Variants in HS6ST3 observed in about 807,000 individuals in gnomAD.
HS6ST3 encodes heparan-sulfate 6-O-sulfotransferase 3.
A neutral mutation model predicts 36.7 loss-of-function variants in HS6ST3; 12 were observed. That is an observed-to-expected ratio of 0.33 (90% CI 0.21 to 0.53). The LOEUF (loss-of-function observed/expected upper bound fraction) is 0.53, where lower values mean the gene tolerates loss of function less well. Among genes scored for constraint, HS6ST3 ranks in the 20% least tolerant of loss-of-function variants. The probability of loss-of-function intolerance (pLI) is 0.95; values close to 1 mark genes in which losing one functional copy is unlikely to be tolerated. For missense variants in HS6ST3, 584 were observed against 640.9 expected, an observed-to-expected ratio of 0.91 and a Z score of 0.96; for synonymous variants, 240 against 257.5, an observed-to-expected ratio of 0.93 and a Z score of 0.65.
intron 1 of HS6ST3, among the ~76,000 whole-genome samples, chr13:96,665,440 A>C: frequency 6.6e-6 from 1 of 152,182 alleles, no homozygotes; most frequent in East Asian, 1.9e-4. Context: ...ATTATGCATA[A>C]GTATACCAAA....
chr13:96,766,535 A>G (rs1877122447), intron 1 of HS6ST3, among the ~76,000 whole-genome samples: 2 of 152,134 alleles, frequency 1.3e-5, no homozygotes, highest in Non-Finnish European at 2.9e-5. Context: ...GACTGATTAC[A>G]TGATTGCAGC....
Position 96,721,856 on chromosome 13 carries a change from A to G in HS6ST3, c.708-110634A>G, listed in dbSNP as rs185364934. Among the ~76,000 whole-genome samples the G allele has an allele frequency of 2.6e-5, 4 of 152,338 alleles. No homozygotes were observed. The East Asian group carries it at 7.7e-4, about 29-fold the overall frequency. The stretch of plus-strand genomic sequence containing the variant: ...AAACAAAATAATTTAAGTAATAAAT[A>G]TAAAGGGTCTTATTTCACTTTAAAT... On this transcript the variant is annotated intron_variant, in intron 1 of 1. Transcript: ENST00000376705.
intron 1 of HS6ST3, among the ~76,000 whole-genome samples, chr13:96,730,117 G>A (rs985108784): frequency 2.6e-5 from 4 of 152,034 alleles, no homozygotes; most frequent in African/African-American, 9.7e-5. Flanking sequence ...TGTTTTCACT[G>A]GTGAGCTTGA....
chr13:96,398,508 C>T (rs1208818549), intron 1 of HS6ST3, among the ~76,000 whole-genome samples: 1 of 152,120 alleles, frequency 6.6e-6, no homozygotes, highest in African/African-American at 2.4e-5. Context: ...GAACTCCTGA[C>T]CTCAAGTGAC....
chr13:96,755,884 G>A (rs1876816105), intron 1 of HS6ST3, among the ~76,000 whole-genome samples: 1 of 152,184 alleles, frequency 6.6e-6, no homozygotes, highest in African/African-American at 2.4e-5. Flanking sequence ...TACAGTAGGT[G>A]AGTATTCAAC....
intron 1 of HS6ST3, among the ~76,000 whole-genome samples, chr13:96,349,912 A>G (rs1380851930): frequency 6.6e-6 from 1 of 152,216 alleles, no homozygotes. Flanking sequence ...TTTATTTCCA[A>G]GGAAATCATC....
intron 1 of HS6ST3, among the ~76,000 whole-genome samples, chr13:96,716,720 A>C (rs1048969866): frequency 6.6e-6 from 1 of 152,138 alleles, no homozygotes; most frequent in African/African-American, 2.4e-5. Context: ...TATCTATCTA[A>C]ATATATGCCT....
At chr13:96,297,074 A>G (rs1184320870) in intron 1 of HS6ST3, among the ~76,000 whole-genome samples, 1 of 152,034 alleles carries the variant, frequency 6.6e-6, no homozygotes, top group Non-Finnish European at 1.5e-5. Flanking sequence ...GCTATATTAC[A>G]GACTCTTTAG....
intron 1 of HS6ST3, among the ~76,000 whole-genome samples, chr13:96,490,419 G>T (rs535147953): frequency 6.6e-6 from 1 of 152,070 alleles, no homozygotes; most frequent in South Asian, 2.1e-4. Context: ...TATTTTTAAG[G>T]TTCATAAATA....
intron 1 of HS6ST3, among the ~76,000 whole-genome samples, chr13:96,254,080 T>G (rs2139378813): frequency 6.6e-6 from 1 of 152,190 alleles, no homozygotes; most frequent in South Asian, 2.1e-4. Flanking sequence ...GTGTATAGGT[T>G]ACAAATATAA....
chr13:96,357,327 A>G lies in HS6ST3; in HGVS notation c.707+265758A>G, dbSNP rs141380577. Among the ~76,000 whole-genome samples the G allele has an allele frequency of 7.1e-4, 108 of 152,264 alleles. 2 individuals carry two copies. Among genetic ancestry groups the G allele is most frequent in the African/African-American group, 2.5e-3 (102 of 41,556 alleles). Reference sequence around the variant, plus strand: ...GCGTAAGAGGCCTAGCTTTCTGCCTATCTCAGCTTTCAACATGCCTTCCTT... The same window carrying G: ...GCGTAAGAGGCCTAGCTTTCTGCCTGTCTCAGCTTTCAACATGCCTTCCTT... On this transcript the variant is annotated intron_variant, in intron 1 of 1. Transcript: ENST00000376705.
intron 1 of HS6ST3, among the ~76,000 whole-genome samples, chr13:96,329,600 A>C (rs541464182): frequency 7.8e-5 from 10 of 127,538 alleles, no homozygotes; most frequent in Admixed American, 7.5e-4. Context: ...CTTTACTTCC[A>C]AGTATGTGGT....
At chr13:96,659,978 G>A (rs564107262) in intron 1 of HS6ST3, among the ~76,000 whole-genome samples, 4 of 152,182 alleles carry the variant, frequency 2.6e-5, no homozygotes, top group South Asian at 2.1e-4. Flanking sequence ...TTAATTGATA[G>A]ATGGGATTTG....
intron 1 of HS6ST3, among the ~76,000 whole-genome samples, chr13:96,295,243 T>C (rs1351877043): frequency 6.6e-6 from 1 of 152,130 alleles, no homozygotes; most frequent in Non-Finnish European, 1.5e-5. Flanking sequence ...AATACCTCCA[T>C]GTTTTCCTTT....
Position 96,410,887 on chromosome 13 carries a change from G to C in HS6ST3, c.707+319318G>C, listed in dbSNP as rs1044633806. On this transcript the variant is annotated intron_variant, in intron 1 of 1. Transcript: ENST00000376705. ...TATTTTCCAAATTCCCTACACTTTA[G>C]AAGTGATAAAATAGAAATCTTTAAA... Among the ~76,000 whole-genome samples the C allele has an allele frequency of 2.6e-5, 4 of 152,160 alleles. No individual in the cohort carries two copies. In the East Asian group the frequency reaches 7.7e-4, roughly 29 times the overall value.
chr13:96,557,933 A>T (rs1328170407), intron 1 of HS6ST3, among the ~76,000 whole-genome samples: 2 of 152,192 alleles, frequency 1.3e-5, no homozygotes, highest in Admixed American at 6.6e-5. Context: ...CTTCTGTAAG[A>T]TGACAATAAC....
intron 1 of HS6ST3, among the ~76,000 whole-genome samples, chr13:96,279,090 TA>T (rs2054762249): frequency 6.6e-6 from 1 of 152,134 alleles, no homozygotes; most frequent in Admixed American, 6.6e-5. Flanking sequence ...GATAATACAT[TA>T]AACCATCAGA....
intron 1 of HS6ST3, among the ~76,000 whole-genome samples, chr13:96,489,169 GT>G (rs942271063): frequency 1.1e-3 from 163 of 151,822 alleles, no homozygotes; most frequent in Non-Finnish European, 1.9e-3. Context: ...GCCTCTATTA[GT>G]TTTCATCCCT....
At chr13:96,748,732 C>G (rs1876624603) in intron 1 of HS6ST3, among the ~76,000 whole-genome samples, 1 of 151,936 alleles carries the variant, frequency 6.6e-6, no homozygotes, top group Admixed American at 6.6e-5. Flanking sequence ...GAGTGACTTG[C>G]CTGCTCTTCT....
Sources: allele counts gnomAD v4.1 joint callset (sites outside exome capture counted in the v4.1 genomes callset), GRCh38; gene constraint gnomAD v4.1.1; transcripts MANE v1.5; gene names NCBI Gene and HGNC (gene_info 2026-07-23, HGNC 2026-07-21).